The following LYPD6B variants were observed in gnomAD, a reference collection of about 807,000 sequenced individuals.
The protein encoded by LYPD6B is LY6/PLAUR domain containing 6B.
In LYPD6B, 17 loss-of-function variants were observed where a neutral mutation model predicts 22.8. The ratio of observed to expected loss-of-function variants is 0.75; its 90% confidence interval spans 0.51 to 1.12. The LOEUF is 1.12. Ranked by LOEUF, LYPD6B falls within the 50% of genes most tolerant of loss-of-function variation. LYPD6B has a pLI of 0.00. For synonymous variants in LYPD6B, 106 were observed against 91.6 expected (o/e 1.16, Z -0.90); for missense variants, 221 against 258.3 (o/e 0.86, Z 0.99).
Position 149,135,687 on chromosome 2 carries a change from T to C in LYPD6B, c.5+4734T>C, listed in dbSNP as rs541424327. Among the ~76,000 whole-genome samples, 17 of 113,776 alleles carry C rather than the reference T, an allele frequency of 1.5e-4. No individual in the cohort carries two copies. The Admixed American group carries it at 1.5e-3, about 10-fold the overall frequency. The allele number at this position is 113,776 out of a possible 152,430, so 74.6% of individuals were successfully genotyped here. ...GTGAGCCAAGATCATGCCACTGCAC[T>C]CCAGCCTGGGCAACAGAGGGAGACC... On this transcript the variant is annotated intron_variant, in intron 2 of 6. Coordinates refer to ENST00000409642, the MANE Select transcript of LYPD6B (RefSeq NM_177964.5).
chr2:149,164,937 C>T (rs1311109908), intron 3 of LYPD6B, among the ~76,000 whole-genome samples: 2 of 152,200 alleles, frequency 1.3e-5, no homozygotes, highest in South Asian at 2.1e-4. Context: ...CTTAAAACAA[C>T]AGCTGTTTAA....
At chr2:149,072,525 T>TTA (rs1253410560) in intron 1 of LYPD6B, among the ~76,000 whole-genome samples, 1 of 151,010 alleles carries the variant, frequency 6.6e-6, no homozygotes, top group Non-Finnish European at 1.5e-5. Flanking sequence ...TTATTTTATT[T>TTA]TATTTTATTT....
chr2:149,099,712 T>G (rs1370351655), intron 1 of LYPD6B, among the ~76,000 whole-genome samples: 2 of 152,202 alleles, frequency 1.3e-5, no homozygotes, highest in Non-Finnish European at 2.9e-5. Flanking sequence ...TCTAGTGGGC[T>G]GAAATTCATG....
intron 3 of LYPD6B, among the ~76,000 whole-genome samples, chr2:149,181,423 T>A (rs1691711334): frequency 6.6e-6 from 1 of 150,856 alleles, no homozygotes; most frequent in Non-Finnish European, 1.5e-5. Context: ...GACAGATGCA[T>A]CTGTGATGAA....
At chr2:149,175,061 C>CTCTCTCTCTCTGTGTGTGTGTG (rs1454802925) in intron 3 of LYPD6B, among the ~76,000 whole-genome samples, 9 of 112,994 alleles carry the variant, frequency 8.0e-5, no homozygotes, top group Non-Finnish European at 1.3e-4. Flanking sequence ...CTCTCTCTCT[C>CTCTCTCTCTCTGTGTGTGTGTG]TGTGTGTGTG....
intron 4 of LYPD6B, among the ~76,000 whole-genome samples, chr2:149,207,042 T>A (rs575890499): frequency 8.0e-4 from 122 of 152,270 alleles, no homozygotes; most frequent in African/African-American, 2.9e-3. Flanking sequence ...TTTCCTGGAA[T>A]TGGAATTACT....
chr2:149,146,680 C>T (rs392313), intron 2 of LYPD6B, among the ~76,000 whole-genome samples: 96,431 of 151,650 alleles, frequency 0.64, 30,768 homozygotes, highest in South Asian at 0.75. Context: ...CTTGGCCGAA[C>T]TATGGCTATT....
At chr2:149,129,065 A>G (rs1687867450) in intron 1 of LYPD6B, among the ~76,000 whole-genome samples, 1 of 152,196 alleles carries the variant, frequency 6.6e-6, no homozygotes, top group Admixed American at 6.5e-5. Flanking sequence ...GTGAATAACA[A>G]AGGGCATGTG....
chr2:149,092,529 A>T (rs1402989805), intron 1 of LYPD6B, among the ~76,000 whole-genome samples: 1 of 152,204 alleles, frequency 6.6e-6, no homozygotes, highest in African/African-American at 2.4e-5. Context: ...CTTCCTTAAA[A>T]ATATAAGCAT....
At chr2:149,100,700 C>T (rs560309172) in intron 1 of LYPD6B, among the ~76,000 whole-genome samples, 1 of 152,292 alleles carries the variant, frequency 6.6e-6, no homozygotes, top group South Asian at 2.1e-4. Flanking sequence ...TGAACCAAGT[C>T]TGTCTTATTT....
At chr2:149,048,955 C>T (rs1455790141) in intron 1 of LYPD6B, among the ~76,000 whole-genome samples, 3 of 152,112 alleles carry the variant, frequency 2.0e-5, no homozygotes, top group Admixed American at 1.3e-4. Context: ...AATTAATATA[C>T]GTCAGGATTA....
chr2:149,119,985 A>T (rs1206387821), intron 1 of LYPD6B, among the ~76,000 whole-genome samples: 1 of 152,000 alleles, frequency 6.6e-6, no homozygotes, highest in African/African-American at 2.4e-5. Context: ...CATTATTGTG[A>T]GTGGGTCAGT....
At chr2:149,071,588 A>T (rs1461562220) in intron 1 of LYPD6B, among the ~76,000 whole-genome samples, 1 of 152,210 alleles carries the variant, frequency 6.6e-6, no homozygotes, top group Non-Finnish European at 1.5e-5. Context: ...GAAGATGCAT[A>T]CACTAAATAA....
At chr2:149,213,922 T>C (rs975243402) in intron 6 of LYPD6B, among the ~76,000 whole-genome samples, 2 of 152,306 alleles carry the variant, frequency 1.3e-5, no homozygotes, top group South Asian at 2.1e-4. Context: ...GCCTTTATCA[T>C]ACCTAGTCAT....
chr2:149,197,426 C>G (rs1199959431), intron 3 of LYPD6B, among the ~76,000 whole-genome samples: 1 of 152,162 alleles, frequency 6.6e-6, no homozygotes, highest in East Asian at 1.9e-4. Flanking sequence ...GCAGGAGAAT[C>G]GCTTGAACCT....
intron 1 of LYPD6B, among the ~76,000 whole-genome samples, chr2:149,052,613 A>G (rs897166136): frequency 6.6e-6 from 1 of 152,166 alleles, no homozygotes; most frequent in Non-Finnish European, 1.5e-5. Flanking sequence ...TTCCCCACCA[A>G]CCACAGCTCG....
At chr2:149,131,297 T>C (rs1033459054) in intron 2 of LYPD6B, 9 of 240,142 alleles carry the variant, frequency 3.7e-5, no homozygotes, top group Non-Finnish European at 6.4e-5. Context: ...ATGAAAGTGC[T>C]TCAGATGGCT....
intron 1 of LYPD6B, among the ~76,000 whole-genome samples, chr2:149,046,472 C>CT (rs762721590): frequency 1.9e-4 from 28 of 150,526 alleles, no homozygotes; most frequent in Non-Finnish European, 3.4e-4. Context: ...TCTATCTGTT[C>CT]TTTTTTTTTC....
chr2:149,064,262 CT>C (rs1432921311), intron 1 of LYPD6B, among the ~76,000 whole-genome samples: 1 of 152,152 alleles, frequency 6.6e-6, no homozygotes, highest in African/African-American at 2.4e-5. Context: ...TTTCTAGTAT[CT>C]TTTCTACTTA....
Sources: allele counts gnomAD v4.1 joint callset (sites outside exome capture counted in the v4.1 genomes callset), GRCh38; gene constraint gnomAD v4.1.1; transcripts MANE v1.5; gene names NCBI Gene and HGNC (gene_info 2026-07-23, HGNC 2026-07-21).